Variants in PRKN observed in about 807,000 individuals in gnomAD.
The protein encoded by PRKN is parkin RBR E3 ubiquitin protein ligase, also known as E3 ubiquitin-protein ligase parkin.
PRKN carries 56 observed loss-of-function variants against 59.5 expected under a neutral mutation model. The observed-to-expected ratio is 0.94, with a 90% CI of 0.76 to 1.18. PRKN has a LOEUF of 1.18. Among genes scored for constraint, PRKN ranks in the 50% most tolerant of loss-of-function variants. The pLI is 0.00. For synonymous variants in PRKN, 250 were observed against 222.1 expected, an observed-to-expected ratio of 1.13 and a Z score of -1.12; for missense variants, 657 against 596.4, an observed-to-expected ratio of 1.10 and a Z score of -1.06.
intron 1 of PRKN, among the ~76,000 whole-genome samples, chr6:162,568,075 A>T (rs1479018677): frequency 1.3e-5 from 2 of 152,170 alleles, no homozygotes; most frequent in African/African-American, 4.8e-5. Context: ...AGAAGAATGA[A>T]ACTAGACTTC....
chr6:162,570,996 A>G (rs1780299353), intron 1 of PRKN, among the ~76,000 whole-genome samples: 1 of 152,182 alleles, frequency 6.6e-6, no homozygotes, highest in South Asian at 2.1e-4. Flanking sequence ...TCCATTTTCC[A>G]TGTTGTGATT....
At chr6:162,072,960 C>T (rs959673925) in intron 4 of PRKN, among the ~76,000 whole-genome samples, 7 of 152,192 alleles carry the variant, frequency 4.6e-5, no homozygotes, top group Non-Finnish European at 1.0e-4. Flanking sequence ...GAGAAAGACT[C>T]AGAAGATCTA....
At chr6:161,586,454 C>T (rs1271646037) in intron 7 of PRKN, among the ~76,000 whole-genome samples, 1 of 152,186 alleles carries the variant, frequency 6.6e-6, no homozygotes, top group East Asian at 1.9e-4. Flanking sequence ...GAAATTACCC[C>T]AGTCCTCATG....
At chr6:161,753,217 G>T (rs956581190) in intron 7 of PRKN, among the ~76,000 whole-genome samples, 5 of 152,148 alleles carry the variant, frequency 3.3e-5, no homozygotes, top group Non-Finnish European at 7.3e-5. Flanking sequence ...CATGATAGTT[G>T]TCTGGGAGTG....
chr6:162,493,223 A>G (rs1015799677), intron 1 of PRKN, among the ~76,000 whole-genome samples: 2 of 152,194 alleles, frequency 1.3e-5, no homozygotes, highest in African/African-American at 4.8e-5. Context: ...GAGAGAGGCA[A>G]TTTAAAATGG....
chr6:162,568,754 G>C (rs1016799031), intron 1 of PRKN: 3 of 747,116 alleles, frequency 4.0e-6, no homozygotes, highest in Admixed American at 3.5e-5. Flanking sequence ...ACAACCCTAG[G>C]GGGCAGCCGG....
chr6:162,114,199 C>T (rs898193376), intron 4 of PRKN, among the ~76,000 whole-genome samples: 18 of 152,120 alleles, frequency 1.2e-4, no homozygotes, highest in African/African-American at 4.1e-4. Context: ...GCGATGCGGG[C>T]TCTTTTTTGG....
chr6:161,510,928 A>C (rs985656942), intron 9 of PRKN, among the ~76,000 whole-genome samples: 1 of 152,184 alleles, frequency 6.6e-6, no homozygotes, highest in Non-Finnish European at 1.5e-5. Context: ...TAAGGGAAAT[A>C]GTTTTTGTTA....
intron 6 of PRKN, among the ~76,000 whole-genome samples, chr6:161,850,461 G>A (rs1277790661): frequency 2.0e-5 from 3 of 150,838 alleles, no homozygotes; most frequent in Non-Finnish European, 4.4e-5. Flanking sequence ...CTGTAGTCCC[G>A]GCTACTTGGG....
chr6:162,709,970 T>G (rs1778469104), intron 1 of PRKN, among the ~76,000 whole-genome samples: 1 of 152,058 alleles, frequency 6.6e-6, no homozygotes. Flanking sequence ...AAGATTGAAA[T>G]GAGTATGTAA....
In PRKN at chr6:161,898,206, A is replaced by G. The variant is rs574791443; in HGVS notation, c.734+75096T>C. Among the ~76,000 whole-genome samples, 14 of 152,254 alleles carry G rather than the reference A, an allele frequency of 9.2e-5. No individual in the cohort carries two copies. The East Asian group carries it at 2.1e-3, about 23-fold the overall frequency. On this transcript the variant is annotated intron_variant, in intron 6 of 11. Transcript: ENST00000366898. ...GTTAAAACGAATCTGTAAAACTAAG[A>G]TATTACAAATGAATTTCAATCAGCA...
At chr6:161,696,234 C>T (rs1053847663) in intron 7 of PRKN, among the ~76,000 whole-genome samples, 2 of 152,150 alleles carry the variant, frequency 1.3e-5, no homozygotes, top group Non-Finnish European at 2.9e-5. Context: ...TAAGAGACCC[C>T]ATTCTTCAAG....
chr6:162,714,374 T>TCCCTGCAGGGACCAGTGCAGG (rs1372113572), intron 1 of PRKN, among the ~76,000 whole-genome samples: 1 of 152,114 alleles, frequency 6.6e-6, no homozygotes, highest in Non-Finnish European at 1.5e-5. Flanking sequence ...GGGACACTGG[T>TCCCTGCAGGGACCAGTGCAGG]GACAGGGAGG....
chr6:161,861,343 C>T (rs2128224626), intron 6 of PRKN, among the ~76,000 whole-genome samples: 1 of 152,250 alleles, frequency 6.6e-6, no homozygotes, highest in Non-Finnish European at 1.5e-5. Flanking sequence ...CCAAACAATG[C>T]ATGTTCTCAC....
At chr6:162,115,069 A>G (rs1430660384) in intron 4 of PRKN, among the ~76,000 whole-genome samples, 1 of 152,080 alleles carries the variant, frequency 6.6e-6, no homozygotes, top group Admixed American at 6.6e-5. Flanking sequence ...GGCATTATTC[A>G]CAATAGCAAA....
chr6:162,459,573 G>C (rs1451700669), intron 1 of PRKN, among the ~76,000 whole-genome samples: 1 of 152,092 alleles, frequency 6.6e-6, no homozygotes, highest in Non-Finnish European at 1.5e-5. Context: ...AAATACAGAG[G>C]CTCTCAAGCC....
intron 1 of PRKN, among the ~76,000 whole-genome samples, chr6:162,543,419 C>CT (rs929682072): frequency 2.0e-5 from 3 of 152,012 alleles, no homozygotes; most frequent in Non-Finnish European, 2.9e-5. Flanking sequence ...TTCCTCCTCC[C>CT]TTTTTTCCCT....
intron 1 of PRKN, among the ~76,000 whole-genome samples, chr6:162,482,553 G>A (rs951149231): frequency 1.3e-5 from 2 of 152,116 alleles, no homozygotes; most frequent in African/African-American, 2.4e-5. Context: ...AATGGCAACA[G>A]AAATATTCAC....
At chr6:162,630,139 G>A (rs1255168858) in intron 1 of PRKN, among the ~76,000 whole-genome samples, 9 of 152,024 alleles carry the variant, frequency 5.9e-5, no homozygotes, top group Admixed American at 3.3e-4. Context: ...TTACTCTTAC[G>A]GTGCACACAT....
Sources: gnomAD v4.1 joint callset for allele counts (sites outside exome capture counted in the v4.1 genomes callset) on GRCh38, gnomAD v4.1.1 for gene constraint, MANE v1.5 for transcripts, NCBI Gene and HGNC (gene_info 2026-07-23, HGNC 2026-07-21) for gene names.